Variants in ERICH5 observed in about 807,000 individuals in gnomAD.
ERICH5 encodes the protein glutamate-rich protein 5.
ERICH5 carries 24 observed loss-of-function variants against 28.0 expected under a neutral mutation model. The observed-to-expected ratio is 0.86, with a 90% CI of 0.62 to 1.21. The LOEUF (loss-of-function observed/expected upper bound fraction) is 1.21, where lower values mean the gene tolerates loss of function less well. ERICH5 is among the 50% of genes most tolerant of loss of function. ERICH5 has a pLI of 0.00. For missense variants in ERICH5, 421 were observed against 441.2 expected (o/e 0.95, Z 0.41); for synonymous variants, 163 against 157.6 (o/e 1.03, Z -0.25).
intron 1 of ERICH5, among the ~76,000 whole-genome samples, chr8:98,070,399 G>C (rs1814891577): frequency 6.6e-6 from 1 of 151,688 alleles, no homozygotes; most frequent in South Asian, 2.1e-4. Context: ...GCTTACCCCT[G>C]TAATCCCAGC....
Position 98,081,896 on chromosome 8 carries a change from C to T in ERICH5, c.59-7180C>T, listed in dbSNP as rs574330941. On this transcript the variant is annotated intron_variant, in intron 1 of 2. Transcript: ENST00000318528. ...TGAGCTGAGATTGCACCATTGCACT[C>T]CAGCCTGGGCAACAAGAATGAAACT... Among the ~76,000 whole-genome samples, 11 of 151,654 alleles carry T rather than the reference C, an allele frequency of 7.3e-5. No homozygotes were observed. The East Asian group carries it at 2.1e-3, about 29-fold the overall frequency.
chr8:98,075,417 T>G (rs113970064), intron 1 of ERICH5, among the ~76,000 whole-genome samples: 1 of 152,276 alleles, frequency 6.6e-6, no homozygotes, highest in Non-Finnish European at 1.5e-5. Context: ...CAAAGGTGTA[T>G]CAGGTTGTGA....
Position 98,089,520 on chromosome 8 carries a change from ACT to A in ERICH5, c.509_510del (p.Leu170GlnfsTer7). On this transcript the variant is annotated frameshift_variant, in exon 2 of 3. Coordinates refer to ENST00000318528, the MANE Select transcript of ERICH5 (RefSeq NM_173549.3). LOFTEE classifies it high-confidence loss of function. Reference sequence around the variant, plus strand: ...CCTTTGCAGGCAGCAGTAGAGAAGGACTCTCTCAGAGCAGTGGAGGTCACTGA... The same window carrying A: ...CCTTTGCAGGCAGCAGTAGAGAAGGACTCTCAGAGCAGTGGAGGTCACTGA... The A allele has an allele frequency of 6.2e-7, 1 of 1,614,070 alleles. No individual in the cohort carries two copies. Among genetic ancestry groups the A allele is most frequent in the Non-Finnish European group, 8.5e-7 (1 of 1,180,012 alleles).
intron 2 of ERICH5, among the ~76,000 whole-genome samples, chr8:98,091,182 C>T (rs922945084): frequency 3.3e-5 from 5 of 152,166 alleles, no homozygotes; most frequent in Admixed American, 6.5e-5. Flanking sequence ...ATGATCCACC[C>T]GCCTCGGCCT....
chr8:98,092,806 C>T lies in ERICH5; in HGVS notation c.1013-415C>T, dbSNP rs185609021. ...TTTTTTTTTTTTTGAGACAGAGTCT[C>T]GTTCTGTCGCCCAGACTGGAGTGCA... On this transcript the variant is annotated intron_variant, in intron 2 of 2. Coordinates refer to ENST00000318528, the MANE Select transcript of ERICH5 (RefSeq NM_173549.3). Among the ~76,000 whole-genome samples the T allele has an allele frequency of 7.0e-3, 1,034 of 146,722 alleles. 12 individuals carry two copies. The highest frequency in any genetic ancestry group is 0.025 in the African/African-American group (974 of 39,416).
rs149657750 is a variant in ERICH5 at position 98,089,849 on chromosome 8, G to C, written c.832G>C (p.Glu278Gln). The C allele has an allele frequency of 6.2e-7, 1 of 1,614,188 alleles. No homozygotes were observed. The highest frequency in any genetic ancestry group is 2.2e-5 in the East Asian group (1 of 44,882). The change falls in exon 2 of 3, where the codon GAA becomes CAA. Residue 278 changes from glutamate to glutamine, a missense_variant. Physicochemically the swap from Glu to Gln is conservative, Grantham distance 29. Transcript: ENST00000318528. Reference sequence around the variant, plus strand: ...AGTATTGGACAGAAGTCAGCTTGTGGAAAAGCCTGTTATGAATGATCCATT... The same window carrying C: ...AGTATTGGACAGAAGTCAGCTTGTGCAAAAGCCTGTTATGAATGATCCATT... ...PEVLDRSQLV[E>Q]KPVMNDPFHK...
intron 1 of ERICH5, among the ~76,000 whole-genome samples, chr8:98,070,521 G>A (rs999387786): frequency 6.0e-5 from 9 of 150,572 alleles, no homozygotes; most frequent in Non-Finnish European, 1.0e-4. Context: ...AGCCAGGTGT[G>A]GTGGCTAATT....
At chr8:98,092,814 C>T (rs1427289144) in intron 2 of ERICH5, among the ~76,000 whole-genome samples, 3 of 145,796 alleles carry the variant, frequency 2.1e-5, no homozygotes, top group Admixed American at 7.0e-5. Context: ...CTCGTTCTGT[C>T]GCCCAGACTG....
rs370646763 is a variant in ERICH5 at position 98,089,545 on chromosome 8, T to C, written c.528T>C (p.Thr176=). The change falls in exon 2 of 3, where the codon ACT becomes ACC. Residue 176 remains threonine (T), a synonymous_variant. Coordinates refer to ENST00000318528, the MANE Select transcript of ERICH5 (RefSeq NM_173549.3). The part of the protein sequence containing the change: ...EKDSLRAVEV[T]ENPQTAAEMK... ...ACTCTCTCAGAGCAGTGGAGGTCAC[T>C]GAGAATCCACAAACTGCTGCAGAGA... is the stretch of plus-strand genomic sequence containing the variant. 46 of 1,614,004 alleles carry C rather than the reference T, an allele frequency of 2.9e-5. No homozygotes were observed. The highest frequency in any genetic ancestry group is 3.7e-5 in the Non-Finnish European group (44 of 1,180,012).
At chr8:98,071,709 T>C (rs992836796) in intron 1 of ERICH5, among the ~76,000 whole-genome samples, 3 of 152,112 alleles carry the variant, frequency 2.0e-5, no homozygotes, top group Non-Finnish European at 4.4e-5. Context: ...TTGAAAGTCC[T>C]GTAATGACTT....
intron 1 of ERICH5, among the ~76,000 whole-genome samples, chr8:98,074,021 A>G (rs1815002110): frequency 6.7e-6 from 1 of 150,330 alleles, no homozygotes; most frequent in South Asian, 2.1e-4. Context: ...ACCTTAGCCC[A>G]GCAGCTGGGA....
Position 98,077,234 on chromosome 8 carries a change from A to AC in ERICH5, c.59-11840dup, listed in dbSNP as rs1424504798. On this transcript the variant is annotated intron_variant, in intron 1 of 2. Transcript: ENST00000318528. ...AGGCTCAGTGCCTCAGTGAATGTCA[A>AC]CCACTGTTCCCCTTCCCAGAGGAGC... Among the ~76,000 whole-genome samples, 32 of 152,332 alleles carry AC rather than the reference A, an allele frequency of 2.1e-4. No individual in the cohort carries two copies. In the South Asian group the frequency reaches 6.2e-3, roughly 30 times the overall value.
Position 98,093,429 on chromosome 8 carries a change from T to A in ERICH5, c.*96T>A. The A allele has an allele frequency of 2.5e-6, 2 of 787,562 alleles. No individual in the cohort carries two copies. Among genetic ancestry groups the A allele is most frequent in the South Asian group, 1.9e-5 (1 of 53,568 alleles). 48.8% of individuals were successfully genotyped at this position (787,562 alleles called of 1,614,324 possible). ...TATCTTATCTTTCTACATTTACATGTTTTCTGTAAGGAGTGTGGTTATAGA... is the reference window on the plus strand; with the variant it reads ...TATCTTATCTTTCTACATTTACATGATTTCTGTAAGGAGTGTGGTTATAGA... On this transcript the variant is annotated 3_prime_UTR_variant, in exon 3 of 3. Transcript: ENST00000318528.
intron 1 of ERICH5, among the ~76,000 whole-genome samples, chr8:98,075,681 G>A (rs1468892195): frequency 6.6e-6 from 1 of 151,162 alleles, no homozygotes; most frequent in Admixed American, 6.6e-5. Context: ...CACGCTTGAG[G>A]CCCAAATGTC....
In ERICH5 at chr8:98,089,388, C is replaced by T. The variant is rs767024963; in HGVS notation, c.371C>T (p.Ala124Val). Reference sequence around the variant, plus strand: ...CCTCAACCAGGTGGCAAAGAGGATGCCCCAGCAGCAGAAGGAAAGAAGAAA... The same window carrying T: ...CCTCAACCAGGTGGCAAAGAGGATGTCCCAGCAGCAGAAGGAAAGAAGAAA... ...GPPQPGGKEDAPAAEGKKKDA... is the reference protein window; with the variant it reads ...GPPQPGGKEDVPAAEGKKKDA... The change falls in exon 2 of 3, where the codon GCC becomes GTC. Residue 124 changes from alanine (A) to valine (V), a missense_variant. Physicochemically the swap from Ala to Val is moderately conservative, Grantham distance 64. Coordinates refer to ENST00000318528, the MANE Select transcript of ERICH5 (RefSeq NM_173549.3). The T allele has an allele frequency of 5.0e-6, 8 of 1,614,166 alleles. No homozygotes were observed. Among genetic ancestry groups the T allele is most frequent in the Middle Eastern group, 1.7e-4 (1 of 6,058 alleles).
Position 98,093,232 on chromosome 8 carries a change from G to T in ERICH5, c.1024G>T (p.Glu342Ter), listed in dbSNP as rs540940514. 6.2e-7 allele frequency: 1 copy of T among 1,612,668 alleles called. No homozygotes were observed. Among genetic ancestry groups the T allele is most frequent in the African/African-American group, 1.3e-5 (1 of 74,992 alleles). The change falls in exon 3 of 3, where the codon GAA becomes TAA. Residue 342 changes from glutamate (E) to a stop codon, truncating the protein, a stop_gained. Transcript: ENST00000318528. LOFTEE classifies it high-confidence loss of function. ...EDQRIEGETG[E>*]KVETDMENEK... ...GGTTACTTTTCCAGGTGAGACAGGG[G>T]AAAAGGTGGAAACAGACATGGAGAA...
At chr8:98,090,774 C>T (rs1455989738) in intron 2 of ERICH5, among the ~76,000 whole-genome samples, 2 of 151,970 alleles carry the variant, frequency 1.3e-5, no homozygotes, top group Non-Finnish European at 2.9e-5. Flanking sequence ...ATGATGTTTA[C>T]AGTGTTCTTT....
intron 2 of ERICH5, among the ~76,000 whole-genome samples, chr8:98,091,426 T>C (rs578139451): frequency 6.6e-6 from 1 of 152,280 alleles, no homozygotes; most frequent in East Asian, 1.9e-4. Flanking sequence ...AGAAGGGCCC[T>C]GGGAACAACT....
intron 1 of ERICH5, among the ~76,000 whole-genome samples, chr8:98,070,617 G>C (rs1238521133): frequency 8.5e-6 from 1 of 118,006 alleles, no homozygotes; most frequent in African/African-American, 3.3e-5. Flanking sequence ...CCAAGATCGC[G>C]CCATTGCACT....
Sources: allele counts gnomAD v4.1 joint callset (sites outside exome capture counted in the v4.1 genomes callset), GRCh38; gene constraint gnomAD v4.1.1; transcripts MANE v1.5; gene names NCBI Gene and HGNC (gene_info 2026-07-23, HGNC 2026-07-21).